The following BMPER variants were observed in gnomAD, a reference collection of about 807,000 sequenced individuals.
The protein encoded by BMPER is BMP-binding endothelial regulator protein.
BMPER carries 45 observed loss-of-function variants against 87.3 expected under a neutral mutation model. The ratio of observed to expected loss-of-function variants is 0.52; its 90% CI spans 0.41 to 0.66. The LOEUF (loss-of-function observed/expected upper bound fraction) is 0.66. BMPER is among the 30% of genes least tolerant of loss of function. The pLI is 0.00. For missense variants in BMPER, 784 were observed against 867.5 expected, an observed-to-expected ratio of 0.90 and a Z score of 1.21; for synonymous variants, 326 against 316.2, an observed-to-expected ratio of 1.03 and a Z score of -0.33.
intron 6 of BMPER, among the ~76,000 whole-genome samples, chr7:34,010,855 G>T (rs564420397): frequency 1.1e-4 from 16 of 151,866 alleles, no homozygotes; most frequent in African/African-American, 3.9e-4. Flanking sequence ...ATTCCATTGG[G>T]TGACTGTGCT....
chr7:34,046,462 G>C (rs1787971682), intron 7 of BMPER, 57 bp downstream of exon 7: 1 of 1,547,658 alleles, frequency 6.5e-7, no homozygotes. Flanking sequence ...AGTTTCTGCT[G>C]GGAGTGTTTA....
chr7:34,112,855 G>GT (rs1252854507), intron 13 of BMPER, among the ~76,000 whole-genome samples: 1 of 151,768 alleles, frequency 6.6e-6, no homozygotes, highest in African/African-American at 2.4e-5. Context: ...ATACAACATA[G>GT]TTTATCTAAT....
At chr7:33,965,404 T>TA (rs1785381836) in intron 3 of BMPER, among the ~76,000 whole-genome samples, 1 of 152,090 alleles carries the variant, frequency 6.6e-6, no homozygotes, top group South Asian at 2.1e-4. Context: ...TTTTTTTTTT[T>TA]AACCACAGCA....
intron 2 of BMPER, among the ~76,000 whole-genome samples, chr7:33,920,188 T>C (rs951865799): frequency 1.3e-5 from 2 of 152,188 alleles, no homozygotes; most frequent in Non-Finnish European, 2.9e-5. Context: ...CCAATTTGGC[T>C]ACTTGTCTTC....
At chr7:33,930,344 T>G (rs1413734716) in intron 2 of BMPER, among the ~76,000 whole-genome samples, 1 of 152,226 alleles carries the variant, frequency 6.6e-6, no homozygotes, top group Non-Finnish European at 1.5e-5. Context: ...AAGTCAATTT[T>G]ACTATCAGTA....
chr7:34,018,083 A>G (rs142244004), intron 6 of BMPER, among the ~76,000 whole-genome samples: 1 of 152,044 alleles, frequency 6.6e-6, no homozygotes, highest in African/African-American at 2.4e-5. Context: ...GCTGCCATCC[A>G]AAACCAATGT....
chr7:34,070,465 C>A (rs1788708154), intron 11 of BMPER, among the ~76,000 whole-genome samples: 2 of 152,148 alleles, frequency 1.3e-5, no homozygotes, highest in African/African-American at 4.8e-5. Context: ...ATTCCCATGG[C>A]AGCCGGACAC....
At chr7:33,980,737 G>A (rs1391147826) in intron 6 of BMPER, among the ~76,000 whole-genome samples, 10 of 152,050 alleles carry the variant, frequency 6.6e-5, no homozygotes, top group Non-Finnish European at 1.0e-4. Flanking sequence ...CAAATTAACC[G>A]GCCAAGATCA....
At chr7:34,025,372 G>A (rs1787329514) in intron 6 of BMPER, among the ~76,000 whole-genome samples, 1 of 152,014 alleles carries the variant, frequency 6.6e-6, no homozygotes, top group Non-Finnish European at 1.5e-5. Flanking sequence ...AGGCACATAG[G>A]AGAAAGACCT....
chr7:34,116,819 G>A (rs1482162985), intron 13 of BMPER, among the ~76,000 whole-genome samples: 7 of 151,952 alleles, frequency 4.6e-5, no homozygotes, highest in Non-Finnish European at 8.8e-5. Context: ...GCAAAATTCC[G>A]TCTCTACTAG....
intron 7 of BMPER, among the ~76,000 whole-genome samples, chr7:34,047,466 A>G (rs930111896): frequency 1.3e-5 from 2 of 151,640 alleles, no homozygotes; most frequent in Admixed American, 1.3e-4. Context: ...TTTAGTAGAG[A>G]CAGTGTTTCA....
upstream of BMPER, chr7:33,905,359 GAA>G (rs34276608): frequency 4.0e-3 from 993 of 248,414 alleles, no homozygotes; most frequent in South Asian, 5.3e-3. Flanking sequence ...ACTCCCTCAG[GAA>G]AAAAAAAAAA....
rs1338769465 is a variant in BMPER, at chr7:34,099,994, CT to C, written c.1745+13903del. On this transcript the variant is annotated intron_variant, in intron 13 of 14. Coordinates refer to ENST00000649409, the MANE Select transcript of BMPER (RefSeq NM_001365308.1). The stretch of plus-strand genomic sequence containing the variant: ...ACCTTTGCCTACAACAGGGGATTCT[CT>C]GCCTGGGGTGCAGGTCAGTGGACAC... Among the ~76,000 whole-genome samples the C allele has an allele frequency of 2.0e-5, 3 of 152,182 alleles. No individual in the cohort carries two copies. The East Asian group carries it at 5.8e-4, about 30-fold the overall frequency.
chr7:34,141,486 C>T (rs1249868953), intron 13 of BMPER, among the ~76,000 whole-genome samples: 1 of 151,700 alleles, frequency 6.6e-6, no homozygotes, highest in East Asian at 2.0e-4. Context: ...TGGTGGGCAC[C>T]TGAATTCCAG....
intron 13 of BMPER, among the ~76,000 whole-genome samples, chr7:34,137,648 A>T (rs1790754712): frequency 6.6e-6 from 1 of 152,208 alleles, no homozygotes; most frequent in African/African-American, 2.4e-5. Context: ...AGCACCACTG[A>T]GGAATTTGAA....
chr7:33,998,148 A>T (rs1455682623), intron 6 of BMPER, among the ~76,000 whole-genome samples: 1 of 152,242 alleles, frequency 6.6e-6, no homozygotes, highest in Non-Finnish European at 1.5e-5. Flanking sequence ...TGAATGAATG[A>T]ACAAATACCA....
At chr7:34,002,597 TTCTA>T (rs1405795230) in intron 6 of BMPER, among the ~76,000 whole-genome samples, 4 of 152,002 alleles carry the variant, frequency 2.6e-5, no homozygotes, top group Non-Finnish European at 5.9e-5. Context: ...TGCTTAGTTG[TTCTA>T]TCTATTATTG....
At chr7:33,997,464 C>T (rs367958213) in intron 6 of BMPER, among the ~76,000 whole-genome samples, 4 of 152,054 alleles carry the variant, frequency 2.6e-5, no homozygotes, top group South Asian at 2.1e-4. Flanking sequence ...CCTGGTTGTT[C>T]GATAGTGTCT....
intron 2 of BMPER, among the ~76,000 whole-genome samples, chr7:33,933,759 C>T (rs1784536263): frequency 1.3e-5 from 2 of 152,118 alleles, no homozygotes; most frequent in Admixed American, 6.5e-5. Context: ...CACCAATCTC[C>T]CCTGGGGCCT....
Sources: allele counts gnomAD v4.1 joint callset (sites outside exome capture counted in the v4.1 genomes callset), GRCh38; gene constraint gnomAD v4.1.1; transcripts MANE v1.5; gene names NCBI Gene and HGNC (gene_info 2026-07-23, HGNC 2026-07-21).